SLC26A7: variants seen among roughly 807,000 people sequenced by gnomAD.
SLC26A7 encodes solute carrier family 26 member 7, also known as anion exchange transporter.
SLC26A7 carries 59 observed loss-of-function variants against 82.5 expected under a neutral mutation model. That is an observed-to-expected ratio of 0.72 (90% CI 0.58 to 0.89). The LOEUF (loss-of-function observed/expected upper bound fraction) is 0.89, where lower values mean the gene tolerates loss of function less well. SLC26A7 is among the 40% of genes least tolerant of loss of function. The probability of loss-of-function intolerance (pLI) is 0.00; values close to 1 mark genes in which losing one functional copy is unlikely to be tolerated. For synonymous variants in SLC26A7, 271 were observed against 274.3 expected (o/e 0.99, Z 0.12); for missense variants, 820 against 793.0 (o/e 1.03, Z -0.41).
In SLC26A7 at chr8:91,340,416, T is replaced by C. The variant is rs373170016; in HGVS notation, c.891T>C (p.Pro297=). Reference sequence around the variant, plus strand: ...CTTCTTTCCACAGAATTCCCTCACCTAGAGCTCCCCCGATGAACATCCTCT... The same window carrying C: ...CTTCTTTCCACAGAATTCCCTCACCCAGAGCTCCCCCGATGAACATCCTCT... ...VGHIPQGIPS[P]RAPPMNILSA... Residue 297 remains proline, a synonymous_variant, in exon 8 of 19, where the codon CCT becomes CCC. Transcript: ENST00000276609. 1.4e-5 allele frequency: 22 copies of C among 1,613,760 alleles called. No individual in the cohort carries two copies. Among genetic ancestry groups the C allele is most frequent in the Admixed American group, 5.0e-5 (3 of 59,980 alleles).
At chr8:91,350,582 A>T (rs1378005478) in intron 9 of SLC26A7, among the ~76,000 whole-genome samples, 2 of 151,916 alleles carry the variant, frequency 1.3e-5, no homozygotes, top group African/African-American at 4.8e-5. Context: ...TTTTTTCAGA[A>T]AGTCATATAT....
chr8:91,228,057 A>G (rs1423046624), intron 2 of SLC26A7, among the ~76,000 whole-genome samples: 1 of 152,238 alleles, frequency 6.6e-6, no homozygotes, highest in Non-Finnish European at 1.5e-5. Flanking sequence ...AAATGGCATG[A>G]AGCCTCCTGA....
chr8:91,264,750 T>A (rs535319526), intron 2 of SLC26A7, among the ~76,000 whole-genome samples: 4 of 152,048 alleles, frequency 2.6e-5, no homozygotes, highest in African/African-American at 9.6e-5. Context: ...TGCCAAAAAT[T>A]TTTTTTTGTT....
intron 9 of SLC26A7, among the ~76,000 whole-genome samples, chr8:91,349,534 C>A (rs1813657480): frequency 6.6e-6 from 1 of 152,100 alleles, no homozygotes; most frequent in Admixed American, 6.6e-5. Flanking sequence ...CTTTAGTGTA[C>A]TATAATAAAT....
At chr8:91,223,265 T>G (rs770319002) in intron 2 of SLC26A7, among the ~76,000 whole-genome samples, 1 of 152,132 alleles carries the variant, frequency 6.6e-6, no homozygotes, top group Non-Finnish European at 1.5e-5. Context: ...GTTTTTTTAA[T>G]TTTTTCAAAA....
At chr8:91,288,704 C>G (rs1811777758) in intron 2 of SLC26A7, among the ~76,000 whole-genome samples, 1 of 152,186 alleles carries the variant, frequency 6.6e-6, no homozygotes, top group Non-Finnish European at 1.5e-5. Context: ...AGCCCTAGTT[C>G]CCCTTCCATT....
chr8:91,369,513 A>G (rs555801820), intron 14 of SLC26A7, among the ~76,000 whole-genome samples: 9 of 152,304 alleles, frequency 5.9e-5, no homozygotes, highest in Admixed American at 1.3e-4. Context: ...TTTCTAATCC[A>G]AAATCAAAAC....
chr8:91,319,708 C>T (rs1019096041), intron 5 of SLC26A7, among the ~76,000 whole-genome samples: 1 of 152,176 alleles, frequency 6.6e-6, no homozygotes, highest in African/African-American at 2.4e-5. Context: ...ACGACAGAAC[C>T]AAAGCAGTGA....
intron 15 of SLC26A7, among the ~76,000 whole-genome samples, chr8:91,386,262 A>G (rs977360748): frequency 1.3e-5 from 2 of 152,200 alleles, no homozygotes; most frequent in African/African-American, 4.8e-5. Flanking sequence ...AGCCTGTCTT[A>G]TAGACATTAC....
chr8:91,309,738 A>G (rs1812425542), intron 4 of SLC26A7, among the ~76,000 whole-genome samples: 1 of 152,008 alleles, frequency 6.6e-6, no homozygotes, highest in Non-Finnish European at 1.5e-5. Context: ...GCACTATTTG[A>G]CCTTTTGACT....
chr8:91,241,171 A>G (rs2130685679), intron 2 of SLC26A7, among the ~76,000 whole-genome samples: 1 of 152,294 alleles, frequency 6.6e-6, no homozygotes, highest in East Asian at 1.9e-4. Flanking sequence ...GAACTATGGT[A>G]CATTTTTGTG....
At chr8:91,244,719 C>T (rs1810521210), upstream of SLC26A7, among the ~76,000 whole-genome samples, 1 of 151,904 alleles carries the variant, frequency 6.6e-6, no homozygotes, top group Admixed American at 6.6e-5. Context: ...TGAGGTCTCA[C>T]TATGTTTCCC....
At chr8:91,394,501 T>A in intron 18 of SLC26A7, 1 of 1,324,308 alleles carries the variant, frequency 7.6e-7, no homozygotes. Flanking sequence ...AGTGTCAAAG[T>A]TATTTTACAA....
intron 1 of SLC26A7, among the ~76,000 whole-genome samples, chr8:91,216,296 T>A (rs939954093): frequency 3.9e-5 from 6 of 152,088 alleles, no homozygotes; most frequent in Non-Finnish European, 1.5e-5. Context: ...AGAGCCAACC[T>A]AAACTCTGCC....
At chr8:91,270,167 A>C (rs1811230302) in intron 2 of SLC26A7, among the ~76,000 whole-genome samples, 1 of 152,168 alleles carries the variant, frequency 6.6e-6, no homozygotes, top group Non-Finnish European at 1.5e-5. Flanking sequence ...GTATCTTTAC[A>C]CTGATTCCTG....
In SLC26A7 at chr8:91,249,841, C is replaced by A; in HGVS notation, c.190C>A (p.Gln64Lys). 6.3e-7 allele frequency: 1 copy of A among 1,598,500 alleles called. No homozygotes were observed. Among genetic ancestry groups the A allele is most frequent in the South Asian group, 1.1e-5 (1 of 87,926 alleles). The change falls in exon 2 of 19, where the codon CAA becomes AAA. Residue 64 changes from glutamine to lysine, a missense_variant. Coordinates refer to ENST00000276609, the MANE Select transcript of SLC26A7 (RefSeq NM_052832.4). ...GIMLAVQQVT[Q>K]GLAFAVLSSV... ...AATGTTGGCAGTTCAACAGGTGACC[C>A]AAGGTAATGTATTGCATTTGAGTTT...
chr8:91,226,789 C>T (rs920302617), intron 2 of SLC26A7, among the ~76,000 whole-genome samples: 3 of 152,170 alleles, frequency 2.0e-5, no homozygotes, highest in Non-Finnish European at 2.9e-5. Context: ...CTGAATCAGA[C>T]AAGGTAGTAT....
At chr8:91,253,952 G>C (rs1810731711) in intron 2 of SLC26A7, among the ~76,000 whole-genome samples, 1 of 151,992 alleles carries the variant, frequency 6.6e-6, no homozygotes, top group African/African-American at 2.4e-5. Flanking sequence ...AGAGGAAACT[G>C]AATTTAAACT....
chr8:91,381,785 C>T (rs1814677880), intron 15 of SLC26A7, among the ~76,000 whole-genome samples: 1 of 152,126 alleles, frequency 6.6e-6, no homozygotes, highest in Non-Finnish European at 1.5e-5. Flanking sequence ...CCCTGCTGTA[C>T]TCTCCTATGC....
Sources: gnomAD v4.1 joint callset for allele counts (sites outside exome capture counted in the v4.1 genomes callset) on GRCh38, gnomAD v4.1.1 for gene constraint, MANE v1.5 for transcripts, NCBI Gene and HGNC (gene_info 2026-07-23, HGNC 2026-07-21) for gene names.